The following USP47 variants were observed in gnomAD, a reference collection of about 807,000 sequenced individuals.
USP47 encodes the protein ubiquitin specific peptidase 47, also known as ubiquitin carboxyl-terminal hydrolase 47.
Under a neutral mutation model 165.1 loss-of-function variants are expected in USP47, and 35 were observed. The observed-to-expected ratio is 0.21, with a 90% CI of 0.16 to 0.28. USP47 has a LOEUF of 0.28. USP47 is among the 10% of genes least tolerant of loss of function. The probability of loss-of-function intolerance (pLI) is 1.00; values close to 1 mark genes in which losing one functional copy is unlikely to be tolerated. For missense variants in USP47, 1,277 were observed against 1,607.4 expected (o/e 0.79, Z 3.52); for synonymous variants, 531 against 544.5 (o/e 0.98, Z 0.35).
At chr11:11,904,281 C>G (rs557842825) in intron 7 of USP47, among the ~76,000 whole-genome samples, 1 of 152,074 alleles carries the variant, frequency 6.6e-6, no homozygotes, top group African/African-American at 2.4e-5. Context: ...ATATGACTGA[C>G]GCTGATGAAT....
chr11:11,860,885 A>G (rs1177155733), intron 1 of USP47, among the ~76,000 whole-genome samples: 1 of 152,208 alleles, frequency 6.6e-6, no homozygotes, highest in African/African-American at 2.4e-5. Flanking sequence ...GTATTAGGAT[A>G]AAAGTGAGAG....
In USP47 at chr11:11,936,842, T is replaced by G. The variant is rs371180113; in HGVS notation, c.2077+332T>G. Among the ~76,000 whole-genome samples, 6 of 151,900 alleles carry G rather than the reference T, an allele frequency of 3.9e-5. No individual in the cohort carries two copies. In the South Asian group the frequency reaches 1.0e-3, roughly 26 times the overall value. ...GTTATCAATTGCTCTCTTAGGAAGA[T>G]CTCTCTTTCTCTTTCTTTCTCTTTA... On this transcript the variant is annotated intron_variant, in intron 17 of 27. Transcript: ENST00000527733.
At chr11:11,919,733 A>T (rs1021335339) in intron 8 of USP47, among the ~76,000 whole-genome samples, 1 of 151,948 alleles carries the variant, frequency 6.6e-6, no homozygotes, top group African/African-American at 2.4e-5. Context: ...AAAAGTGTGA[A>T]TTCTTTAGAG....
intron 4 of USP47, among the ~76,000 whole-genome samples, chr11:11,897,282 AG>A (rs902176111): frequency 1.3e-5 from 2 of 151,848 alleles, no homozygotes; most frequent in Non-Finnish European, 2.9e-5. Context: ...TGGGGGAAAA[AG>A]TTTATGTCTA....
intron 1 of USP47, among the ~76,000 whole-genome samples, chr11:11,858,412 T>C (rs1849185591): frequency 6.6e-6 from 1 of 152,110 alleles, no homozygotes. Flanking sequence ...TATAGAAAAA[T>C]TCATCCTTTT....
intron 8 of USP47, among the ~76,000 whole-genome samples, chr11:11,908,438 C>G (rs937133103): frequency 6.6e-6 from 1 of 151,966 alleles, no homozygotes; most frequent in Non-Finnish European, 1.5e-5. Flanking sequence ...CACGCCCAGC[C>G]AGGGTTTTTC....
chr11:11,940,239 T>G (rs1375252176), intron 18 of USP47, among the ~76,000 whole-genome samples, 190 bp from the exon 19 acceptor site: 1 of 152,054 alleles, frequency 6.6e-6, no homozygotes, highest in African/African-American at 2.4e-5. Context: ...TTCTCCTGAT[T>G]TGCAGTATAA....
chr11:11,916,594 G>GA (rs1414666852), intron 8 of USP47, among the ~76,000 whole-genome samples: 1 of 151,728 alleles, frequency 6.6e-6, no homozygotes, highest in Non-Finnish European at 1.5e-5. Context: ...AAAATAGAAA[G>GA]AAGATCTAAT....
At chr11:11,947,231 C>T (rs980955790) in intron 20 of USP47, among the ~76,000 whole-genome samples, 1 of 152,106 alleles carries the variant, frequency 6.6e-6, no homozygotes, top group Non-Finnish European at 1.5e-5. Context: ...TAGGGAAAAA[C>T]GAAGCTCATC....
rs538678041 is a variant in USP47 at position 11,859,099 on chromosome 11, G to T, written c.39+16875G>T. Reference sequence around the variant, plus strand: ...GTGGTGGTATCTGTTTGTGCTTTTAGTTTGCATTTTCCTAACGACTGATAA... The same window carrying T: ...GTGGTGGTATCTGTTTGTGCTTTTATTTTGCATTTTCCTAACGACTGATAA... On this transcript the variant is annotated intron_variant, in intron 1 of 27. Transcript: ENST00000527733. 2.0e-3 allele frequency among the ~76,000 whole-genome samples: 311 copies of T among 152,108 alleles called. 1 individual carries two copies. The highest frequency in any genetic ancestry group is 6.8e-3 in the Middle Eastern group (2 of 294).
At chr11:11,879,250 G>A (rs1461566469) in intron 1 of USP47, among the ~76,000 whole-genome samples, 1 of 152,150 alleles carries the variant, frequency 6.6e-6, no homozygotes, top group East Asian at 1.9e-4. Flanking sequence ...TATTCAAAAG[G>A]TAGAATTGAT....
In USP47 at chr11:11,949,881, A is replaced by C. The variant is rs763526359; in HGVS notation, c.3349-8A>C. 3.2e-6 allele frequency: 5 copies of C among 1,585,290 alleles called. No individual in the cohort carries two copies. The highest frequency in any genetic ancestry group is 1.7e-4 in the Middle Eastern group (1 of 5,992). On this transcript the variant is annotated splice_polypyrimidine_tract_variant and splice_region_variant and intron_variant, in intron 22 of 27. Coordinates refer to ENST00000527733, the MANE Select transcript of USP47 (RefSeq NM_001282659.2). ...TCAAGCTCTGATTGTTTATGTTTAT[A>C]TTTCTAGCCATGCAAGTTTCTGCTA...
In USP47 at chr11:11,933,932, T is replaced by C. The variant is rs1444574846; in HGVS notation, c.1866T>C (p.Tyr622=). The part of the protein sequence containing the change: ...KTLKEAVEMA[Y]KMMDLEEVIP... The stretch of plus-strand genomic sequence containing the variant: ...TAAAGGAAGCAGTAGAAATGGCTTA[T>C]AAGGTATGTTTAATTGCATCATTGG... Residue 622 remains tyrosine (Y), a synonymous_variant, in exon 16 of 28, where the codon TAT becomes TAC. Transcript: ENST00000527733. The C allele has an allele frequency of 6.3e-7, 1 of 1,598,118 alleles. No individual in the cohort carries two copies.
Position 11,957,745 on chromosome 11 carries a change from A to G in USP47, c.*1570A>G. On this transcript the variant is annotated 3_prime_UTR_variant, in exon 28 of 28. Transcript: ENST00000527733. ...CCGATTTTTACCCTTTTTTTCTTATAAGAAAGATAAAATTAGAAAATACTG... is the reference window on the plus strand; with the variant it reads ...CCGATTTTTACCCTTTTTTTCTTATGAGAAAGATAAAATTAGAAAATACTG... The G allele has an allele frequency of 6.6e-6, 1 of 152,190 alleles. No individual in the cohort carries two copies. Among genetic ancestry groups the G allele is most frequent in the South Asian group, 2.1e-4 (1 of 4,814 alleles). 9.4% of individuals were successfully genotyped at this position (152,190 alleles called of 1,614,324 possible).
At chr11:11,884,698 T>TG (rs1455479488) in intron 3 of USP47, 118 bp downstream of exon 3, 4 of 675,056 alleles carry the variant, frequency 5.9e-6, no homozygotes, top group Non-Finnish European at 9.8e-6. Context: ...TAAATTAATA[T>TG]TTTTTCATTT....
intron 2 of USP47, among the ~76,000 whole-genome samples, chr11:11,884,260 G>A (rs545452895): frequency 6.7e-4 from 102 of 152,088 alleles, no homozygotes; most frequent in Non-Finnish European, 1.2e-3. Context: ...GGGAATGTGA[G>A]TCTCTGGGAT....
intron 1 of USP47, among the ~76,000 whole-genome samples, chr11:11,874,971 C>G (rs776797299): frequency 1.8e-4 from 27 of 151,992 alleles, no homozygotes; most frequent in Non-Finnish European, 3.7e-4. Context: ...TGGGAATGCT[C>G]TAAGGCCTAA....
intron 1 of USP47, chr11:11,873,687 T>C: frequency 2.1e-6 from 1 of 487,054 alleles, no homozygotes; most frequent in Non-Finnish European, 3.3e-6. Flanking sequence ...ATACTTTAAT[T>C]AATACATATT....
At chr11:11,928,892 ATAATAT>A (rs1854448874) in intron 11 of USP47, among the ~76,000 whole-genome samples, 1 of 151,782 alleles carries the variant, frequency 6.6e-6, no homozygotes, top group South Asian at 2.1e-4. Context: ...AGCTAAAGAA[ATAATAT>A]TAATTTATTG....
Sources: allele counts gnomAD v4.1 joint callset (sites outside exome capture counted in the v4.1 genomes callset), GRCh38; gene constraint gnomAD v4.1.1; transcripts MANE v1.5; gene names NCBI Gene and HGNC (gene_info 2026-07-23, HGNC 2026-07-21).